The following MIPOL1 variants were observed in gnomAD, a reference collection of about 807,000 sequenced individuals.
MIPOL1 encodes mirror-image polydactyly gene 1 protein.
In MIPOL1, 57 loss-of-function variants were observed where a neutral mutation model predicts 60.9. The ratio of observed to expected loss-of-function variants is 0.94; its 90% CI spans 0.76 to 1.17. The LOEUF (loss-of-function observed/expected upper bound fraction) is 1.17, where lower values mean the gene tolerates loss of function less well. Ranked by LOEUF, MIPOL1 falls within the 50% of genes most tolerant of loss-of-function variation. The pLI, the probability that MIPOL1 is intolerant of heterozygous loss-of-function variation, is 0.00. For synonymous variants in MIPOL1, 179 were observed against 168.8 expected (o/e 1.06, Z -0.47); for missense variants, 551 against 511.6 (o/e 1.08, Z -0.74).
At chr14:37,441,460 A>G (rs367768742) in intron 11 of MIPOL1, among the ~76,000 whole-genome samples, 2 of 151,952 alleles carry the variant, frequency 1.3e-5, no homozygotes, top group African/African-American at 4.8e-5. Flanking sequence ...TGGCAATCCA[A>G]TTTTCCCAGC....
chr14:37,486,852 C>G (rs1015917106), intron 11 of MIPOL1, among the ~76,000 whole-genome samples: 3 of 152,140 alleles, frequency 2.0e-5, no homozygotes, highest in Non-Finnish European at 4.4e-5. Flanking sequence ...CTAGAACTTC[C>G]AATAACACCA....
intron 9 of MIPOL1, among the ~76,000 whole-genome samples, chr14:37,342,862 A>G (rs1363133438): frequency 2.0e-5 from 3 of 151,854 alleles, no homozygotes; most frequent in Non-Finnish European, 4.4e-5. Context: ...GTGACTTAAA[A>G]TGTTCCTTCA....
chr14:37,446,161 T>C (rs1053380767), intron 11 of MIPOL1, among the ~76,000 whole-genome samples: 4 of 152,184 alleles, frequency 2.6e-5, no homozygotes, highest in South Asian at 2.1e-4. Context: ...AGAAAATTTT[T>C]GCAACCTACT....
At chr14:37,343,405 A>G (rs1002719455) in intron 9 of MIPOL1, among the ~76,000 whole-genome samples, 1 of 152,192 alleles carries the variant, frequency 6.6e-6, no homozygotes, top group African/African-American at 2.4e-5. Context: ...AAGGAATAAA[A>G]ACTTCTATAG....
At chr14:37,487,698 T>C (rs1413588217) in intron 11 of MIPOL1, among the ~76,000 whole-genome samples, 1 of 152,212 alleles carries the variant, frequency 6.6e-6, no homozygotes, top group Non-Finnish European at 1.5e-5. Flanking sequence ...CTTTATCACT[T>C]TTTATTGCAT....
chr14:37,312,282 T>C (rs1314932462), intron 9 of MIPOL1, among the ~76,000 whole-genome samples: 3 of 152,110 alleles, frequency 2.0e-5, no homozygotes, highest in Non-Finnish European at 4.4e-5. Context: ...TAATTTTTTG[T>C]ACTTTTTTAG....
chr14:37,215,698 A>G (rs1967531935), intron 1 of MIPOL1, among the ~76,000 whole-genome samples: 1 of 152,192 alleles, frequency 6.6e-6, no homozygotes, highest in Non-Finnish European at 1.5e-5. Flanking sequence ...GCATGGCTGA[A>G]TTGATGAAAA....
chr14:37,451,978 C>T (rs2094426896), intron 11 of MIPOL1, among the ~76,000 whole-genome samples: 1 of 150,948 alleles, frequency 6.6e-6, no homozygotes, highest in Middle Eastern at 3.4e-3. Context: ...TCACGCCCGG[C>T]TAATTTTTTT....
At chr14:37,528,451 T>TA (rs1566779437) in intron 12 of MIPOL1, among the ~76,000 whole-genome samples, 1 of 152,044 alleles carries the variant, frequency 6.6e-6, no homozygotes, top group Non-Finnish European at 1.5e-5. Flanking sequence ...TTAGAATTGT[T>TA]AGAAAAAGTT....
intron 11 of MIPOL1, among the ~76,000 whole-genome samples, chr14:37,444,631 C>T (rs937403856): frequency 6.6e-6 from 1 of 152,118 alleles, no homozygotes; most frequent in Non-Finnish European, 1.5e-5. Flanking sequence ...TGTAAAGTCA[C>T]AGATATCAAG....
At chr14:37,298,252 G>A (rs1197677106) in intron 7 of MIPOL1, among the ~76,000 whole-genome samples, 3 of 152,000 alleles carry the variant, frequency 2.0e-5, no homozygotes, top group East Asian at 1.9e-4. Context: ...AGCCATATGT[G>A]GAAAGCTGAA....
intron 12 of MIPOL1, chr14:37,545,750 A>G (rs2095545011): frequency 5.1e-6 from 3 of 588,974 alleles, no homozygotes; most frequent in Non-Finnish European, 9.1e-6. Flanking sequence ...CCTCAGTGGA[A>G]CTTCCAAATC....
At chr14:37,252,398 A>G (rs1806059120) in intron 3 of MIPOL1, among the ~76,000 whole-genome samples, 1 of 151,898 alleles carries the variant, frequency 6.6e-6, no homozygotes. Flanking sequence ...ATATTTAACA[A>G]TTTTTTATCC....
intron 3 of MIPOL1, among the ~76,000 whole-genome samples, chr14:37,261,153 C>T (rs2082494736): frequency 6.6e-6 from 1 of 151,616 alleles, no homozygotes; most frequent in Non-Finnish European, 1.5e-5. Flanking sequence ...AGTATTTTCT[C>T]TTTGTGTTTA....
chr14:37,433,754 C>T (rs1444617467), intron 11 of MIPOL1, among the ~76,000 whole-genome samples: 2 of 152,076 alleles, frequency 1.3e-5, no homozygotes, highest in African/African-American at 2.4e-5. Context: ...CGGGGTTTCA[C>T]CATGTTGGCC....
At chr14:37,485,340 A>G (rs2094931277) in intron 11 of MIPOL1, among the ~76,000 whole-genome samples, 1 of 152,194 alleles carries the variant, frequency 6.6e-6, no homozygotes, top group Non-Finnish European at 1.5e-5. Context: ...TCCTTTGGGT[A>G]TATACCCAGT....
chr14:37,412,062 C>T (rs1327291599), intron 10 of MIPOL1, among the ~76,000 whole-genome samples: 1 of 152,112 alleles, frequency 6.6e-6, no homozygotes, highest in African/African-American at 2.4e-5. Context: ...CTTGTTCAGT[C>T]ATAGAGCTGA....
chr14:37,518,521 G>C (rs1057379597), intron 12 of MIPOL1, among the ~76,000 whole-genome samples: 1 of 152,122 alleles, frequency 6.6e-6, no homozygotes, highest in African/African-American at 2.4e-5. Flanking sequence ...TTTTAGTAGA[G>C]ATGGGTTTTT....
At chr14:37,387,470 G>T (rs576411735) in intron 10 of MIPOL1, among the ~76,000 whole-genome samples, 1 of 151,922 alleles carries the variant, frequency 6.6e-6, no homozygotes, top group South Asian at 2.1e-4. Context: ...AAGGATTCTC[G>T]TAGGGCTATT....
Sources: gnomAD v4.1 joint callset for allele counts (sites outside exome capture counted in the v4.1 genomes callset) on GRCh38, gnomAD v4.1.1 for gene constraint, MANE v1.5 for transcripts, NCBI Gene and HGNC (gene_info 2026-07-23, HGNC 2026-07-21) for gene names.